Variants in FGL1 observed in about 807,000 individuals in gnomAD.
FGL1 encodes fibrinogen like 1.
FGL1 carries 59 observed loss-of-function variants against 43.7 expected under a neutral mutation model. The ratio of observed to expected loss-of-function variants is 1.35; its 90% CI spans 1.10 to 1.68. FGL1 has a LOEUF of 1.68. Among genes scored for constraint, FGL1 ranks in the 40% most tolerant of loss-of-function variants. FGL1 has a pLI of 0.00. For missense variants in FGL1, 596 were observed against 373.0 expected, an observed-to-expected ratio of 1.60 and a Z score of -4.92; for synonymous variants, 192 against 126.5, an observed-to-expected ratio of 1.52 and a Z score of -3.48.
chr8:17,864,692 T>C lies in FGL1; in HGVS notation c.839A>G (p.Asp280Gly). Residue 280 changes from aspartate (D) to glycine (G), a missense_variant, in exon 8 of 8, where the codon GAC becomes GGC. Coordinates refer to ENST00000427924, the MANE Select transcript of FGL1 (RefSeq NM_004467.4). ...YYSGPYTAKT[D>G]NGIVWYTWHG... ...CCAGGTGTACCAGACAATCCCATTG[T>C]CTGTTTTAGCCGTGTAGGGGCCGCT... is the stretch of plus-strand genomic sequence containing the variant. 6.2e-7 allele frequency: 1 copy of C among 1,613,574 alleles called. No homozygotes were observed. The highest frequency in any genetic ancestry group is 8.5e-7 in the Non-Finnish European group (1 of 1,179,826).
intron 3 of FGL1, among the ~76,000 whole-genome samples, chr8:17,880,715 CAT>C (rs2053522233): frequency 6.6e-6 from 1 of 152,130 alleles, no homozygotes; most frequent in African/African-American, 2.4e-5. Flanking sequence ...CTAGAATAGA[CAT>C]ATGGACAAAG....
chr8:17,875,482 T>C (rs34951697), intron 3 of FGL1, among the ~76,000 whole-genome samples: 5,225 of 12,690 alleles, frequency 0.41, 595 homozygotes, highest in African/African-American at 0.5. Flanking sequence ...AAGTGATATC[T>C]CTTTCTTTCT....
chr8:17,873,323 C>T (rs1400809152), intron 5 of FGL1, among the ~76,000 whole-genome samples: 1 of 152,082 alleles, frequency 6.6e-6, no homozygotes, highest in Non-Finnish European at 1.5e-5. Flanking sequence ...AAAACAAGTC[C>T]AGGCTAGCTA....
intron 1 of FGL1, among the ~76,000 whole-genome samples, chr8:17,890,057 A>G (rs2053683231): frequency 1.3e-5 from 2 of 152,244 alleles, no homozygotes. Context: ...CTAATACATC[A>G]TCAACACATG....
At chr8:17,870,424 T>C (rs2053340921) in intron 5 of FGL1, among the ~76,000 whole-genome samples, 1 of 152,320 alleles carries the variant, frequency 6.6e-6, no homozygotes, top group African/African-American at 2.4e-5. Context: ...TCTATCCTCC[T>C]ACTTTGATAA....
At chr8:17,889,481 C>T (rs2053676085) in intron 1 of FGL1, among the ~76,000 whole-genome samples, 1 of 152,140 alleles carries the variant, frequency 6.6e-6, no homozygotes, top group Admixed American at 6.5e-5. Context: ...ACCTGGGAGG[C>T]GGAGGTTGCA....
chr8:17,874,256 T>C (rs2053409372), intron 4 of FGL1, 106 bp downstream of exon 4: 10 of 1,390,036 alleles, frequency 7.2e-6, no homozygotes, highest in East Asian at 2.3e-5. Flanking sequence ...TTTAGAGAGA[T>C]TGAAATTCTG....
chr8:17,887,398 T>C (rs1432229335), intron 1 of FGL1, among the ~76,000 whole-genome samples: 1 of 152,190 alleles, frequency 6.6e-6, no homozygotes, highest in African/African-American at 2.4e-5. Flanking sequence ...TCAACGTAAG[T>C]CTTCTTTCTG....
intron 7 of FGL1, among the ~76,000 whole-genome samples, chr8:17,868,095 C>T (rs1349960180): frequency 2.6e-5 from 4 of 152,116 alleles, no homozygotes; most frequent in African/African-American, 9.7e-5. Context: ...TTGGGAGAGG[C>T]TTAGACTCAA....
chr8:17,880,044 T>G (rs1258077141), intron 3 of FGL1, among the ~76,000 whole-genome samples: 1 of 152,176 alleles, frequency 6.6e-6, no homozygotes, highest in Admixed American at 6.5e-5. Flanking sequence ...TGTATGCTCA[T>G]CCCTTAAACG....
intron 2 of FGL1, 23 bp downstream of exon 2, chr8:17,885,469 A>G (rs549303237): frequency 4.5e-6 from 7 of 1,571,330 alleles, no homozygotes; most frequent in Admixed American, 1.7e-5. Flanking sequence ...TAAATATGAC[A>G]ATAGTTTTCC....
chr8:17,875,487 CTTT>C (rs2053431647), intron 3 of FGL1, among the ~76,000 whole-genome samples: 1 of 6,164 alleles, frequency 1.6e-4, no homozygotes, highest in African/African-American at 4.4e-4. Context: ...ATATCTCTTT[CTTT>C]CTTTCTTTCT....
chr8:17,877,272 A>C (rs570233164), intron 3 of FGL1, among the ~76,000 whole-genome samples: 1 of 152,278 alleles, frequency 6.6e-6, no homozygotes, highest in South Asian at 2.1e-4. Flanking sequence ...ATATTTACAT[A>C]ATACTAGACA....
intron 1 of FGL1, among the ~76,000 whole-genome samples, chr8:17,890,764 T>C (rs2053692801): frequency 6.6e-6 from 1 of 152,122 alleles, no homozygotes; most frequent in Non-Finnish European, 1.5e-5. Flanking sequence ...GAAGCAAACA[T>C]GTCCTTCTTC....
chr8:17,884,850 G>C (rs894290557), intron 2 of FGL1, among the ~76,000 whole-genome samples: 2 of 151,978 alleles, frequency 1.3e-5, no homozygotes, highest in Non-Finnish European at 2.9e-5. Flanking sequence ...ACAAATGAAG[G>C]ACAACACAAG....
rs1356189561 is a variant in FGL1, at chr8:17,894,389, T to C, written c.-18+1058A>G. The stretch of plus-strand genomic sequence containing the variant: ...ACAAGCTTAGAGACTCCTTTTAAGC[T>C]ATTTCCTTCCAAATTTTTTCCTCTT... On this transcript the variant is annotated intron_variant, in intron 1 of 7. Transcript: ENST00000427924. 2.0e-5 allele frequency among the ~76,000 whole-genome samples: 3 copies of C among 147,204 alleles called. No homozygotes were observed. The East Asian group carries it at 5.8e-4, about 28-fold the overall frequency.
At chr8:17,880,685 T>C (rs1190702555) in intron 3 of FGL1, among the ~76,000 whole-genome samples, 1 of 152,156 alleles carries the variant, frequency 6.6e-6, no homozygotes, top group African/African-American at 2.4e-5. Flanking sequence ...AAACAGAAAT[T>C]ACAATGTAGC....
At chr8:17,894,304 T>C (rs1392183688) in intron 1 of FGL1, among the ~76,000 whole-genome samples, 2 of 147,128 alleles carry the variant, frequency 1.4e-5, no homozygotes, top group Admixed American at 1.3e-4. Flanking sequence ...ACAAACGCTA[T>C]AGGACTATAA....
At chr8:17,890,973 AAAC>A (rs2053696347) in intron 1 of FGL1, among the ~76,000 whole-genome samples, 1 of 152,176 alleles carries the variant, frequency 6.6e-6, no homozygotes, top group Non-Finnish European at 1.5e-5. Flanking sequence ...AGACACACGC[AAAC>A]AACATCACCC....
Sources: allele counts gnomAD v4.1 joint callset (sites outside exome capture counted in the v4.1 genomes callset), GRCh38; gene constraint gnomAD v4.1.1; transcripts MANE v1.5; gene names NCBI Gene and HGNC (gene_info 2026-07-23, HGNC 2026-07-21).